Variants in CHP1 observed in about 807,000 individuals in gnomAD.
The protein encoded by CHP1 is calcineurin like EF-hand protein 1.
In CHP1, 11 loss-of-function variants were observed where a neutral mutation model predicts 27.4. The observed-to-expected ratio is 0.40, with a 90% CI of 0.25 to 0.67. The LOEUF (loss-of-function observed/expected upper bound fraction) is 0.67, where lower values mean the gene tolerates loss of function less well. Among genes scored for constraint, CHP1 ranks in the 30% least tolerant of loss-of-function variants. The pLI, the probability that CHP1 is intolerant of heterozygous loss-of-function variation, is 0.38. For synonymous variants in CHP1, 89 were observed against 87.4 expected (o/e 1.02, Z -0.10); for missense variants, 169 against 251.3 (o/e 0.67, Z 2.22).
intron 5 of CHP1, among the ~76,000 whole-genome samples, chr15:41,272,531 G>A (rs757570444): frequency 3.3e-5 from 5 of 151,822 alleles, no homozygotes; most frequent in Non-Finnish European, 7.4e-5. Context: ...AGCGATTCTC[G>A]TGCCTCAGCC....
chr15:41,255,285 A>G (rs2047393285), intron 2 of CHP1, among the ~76,000 whole-genome samples: 1 of 152,170 alleles, frequency 6.6e-6, no homozygotes, highest in South Asian at 2.1e-4. Flanking sequence ...CATGACATTG[A>G]TATTTTTGAA....
intron 3 of CHP1, among the ~76,000 whole-genome samples, chr15:41,260,110 A>G (rs1400028062): frequency 1.3e-5 from 2 of 151,820 alleles, no homozygotes; most frequent in African/African-American, 4.8e-5. Flanking sequence ...CTGCATGTCT[A>G]TAGAGCACAG....
chr15:41,274,790 G>GTTTTTTTTTTTTTTTTTTTTTTTTTTTT (rs34053067), intron 5 of CHP1, among the ~76,000 whole-genome samples: 1 of 120,754 alleles, frequency 8.3e-6, no homozygotes. Context: ...CATTGTCTTT[G>GTTTTTTTTTTTTTTTTTTTTTTTTTTTT]TTTTTTTTTT....
intron 4 of CHP1, among the ~76,000 whole-genome samples, chr15:41,269,800 C>T (rs1312232979): frequency 1.3e-5 from 2 of 152,134 alleles, no homozygotes; most frequent in African/African-American, 4.8e-5. Flanking sequence ...AAAAACCAAG[C>T]TAAATTCAGT....
intron 5 of CHP1, among the ~76,000 whole-genome samples, chr15:41,274,012 G>A (rs2047505988): frequency 6.6e-6 from 1 of 151,792 alleles, no homozygotes; most frequent in Admixed American, 6.6e-5. Flanking sequence ...TCGGGCTGGA[G>A]TGCAATGGCG....
chr15:41,266,913 T>C (rs946494395), intron 4 of CHP1, among the ~76,000 whole-genome samples: 1 of 152,032 alleles, frequency 6.6e-6, no homozygotes, highest in Admixed American at 6.6e-5. Context: ...GGCAGGAGAA[T>C]TGCTTGAACC....
intron 2 of CHP1, among the ~76,000 whole-genome samples, chr15:41,247,851 C>T (rs1214463400): frequency 6.6e-6 from 1 of 151,188 alleles, no homozygotes; most frequent in Non-Finnish European, 1.5e-5. Flanking sequence ...TACCTGTAGT[C>T]CCAGCTACTC....
At chr15:41,250,090 TAAAAAAA>T (rs77882380) in intron 2 of CHP1, among the ~76,000 whole-genome samples, 2 of 127,260 alleles carry the variant, frequency 1.6e-5, no homozygotes, top group Non-Finnish European at 3.4e-5. Flanking sequence ...GGTGTTATGT[TAAAAAAA>T]AAAAAAAAAA....
Position 41,231,351 on chromosome 15 carries a change from C to A in CHP1, c.-32C>A. Reference sequence around the variant, plus strand: ...CCTCCTGTCGCCGTCTCTTCTGGCGCCGCTGCTCCCGGAGGAGCTCCCGGC... The same window carrying A: ...CCTCCTGTCGCCGTCTCTTCTGGCGACGCTGCTCCCGGAGGAGCTCCCGGC... On this transcript the variant is annotated 5_prime_UTR_variant, in exon 1 of 7. Transcript: ENST00000334660. The A allele has an allele frequency of 1.3e-6, 2 of 1,576,978 alleles. No homozygotes were observed. The highest frequency in any genetic ancestry group is 2.3e-5 in the East Asian group (1 of 43,526).
At chr15:41,279,309 G>GT in intron 6 of CHP1, 27 bp from the exon 7 acceptor site, 2 of 1,587,094 alleles carry the variant, frequency 1.3e-6, no homozygotes, top group African/African-American at 1.3e-5. Flanking sequence ...CATAACCTTT[G>GT]TAACTGTTAC....
chr15:41,233,938 T>TTTTTTC (rs1373412021), intron 1 of CHP1, among the ~76,000 whole-genome samples: 3 of 152,090 alleles, frequency 2.0e-5, no homozygotes, highest in East Asian at 1.9e-4. Context: ...ATCAGAGTTG[T>TTTTTTC]TTTTTCTTTT....
At chr15:41,244,750 C>T (rs935553179) in intron 2 of CHP1, among the ~76,000 whole-genome samples, 12 of 152,120 alleles carry the variant, frequency 7.9e-5, no homozygotes, top group Non-Finnish European at 1.6e-4. Context: ...TGATGTAATG[C>T]TATATTGTTT....
intron 3 of CHP1, among the ~76,000 whole-genome samples, chr15:41,257,727 T>C (rs1471623381): frequency 6.6e-6 from 1 of 151,554 alleles, no homozygotes; most frequent in African/African-American, 2.4e-5. Context: ...ACCTGGCTAA[T>C]TTTTGTATTT....
At chr15:41,272,079 C>T (rs1298972393) in intron 5 of CHP1, 2 of 152,082 alleles carry the variant, frequency 1.3e-5, no homozygotes, top group African/African-American at 4.8e-5. Context: ...TTTTGGAGGT[C>T]ATTATCTTGA....
chr15:41,245,042 T>C (rs2047327017), intron 2 of CHP1, among the ~76,000 whole-genome samples: 1 of 152,214 alleles, frequency 6.6e-6, no homozygotes, highest in Admixed American at 6.5e-5. Context: ...TCATTAAGCA[T>C]GGGGTTAAGC....
At position 41,271,221 on chromosome 15, in the gene CHP1, C is replaced by T. The variant is rs1312485561; in HGVS notation, c.411+603C>T. Reference sequence around the variant, plus strand: ...AGTGAGCAGAGCTCACTCCACTGCACTCCAGCCTGGGCGACAGAGCAAGAT... The same window carrying T: ...AGTGAGCAGAGCTCACTCCACTGCATTCCAGCCTGGGCGACAGAGCAAGAT... On this transcript the variant is annotated intron_variant, in intron 5 of 6. Transcript: ENST00000334660. Among the ~76,000 whole-genome samples, 10 of 146,780 alleles carry T rather than the reference C, an allele frequency of 6.8e-5. 1 individual carries two copies. The South Asian group carries it at 1.9e-3, about 29-fold the overall frequency.
Position 41,259,981 on chromosome 15 carries a change from C to G in CHP1, c.222-2775C>G, listed in dbSNP as rs199731836. 1.1e-3 allele frequency among the ~76,000 whole-genome samples: 165 copies of G among 152,282 alleles called. 1 individual carries two copies. Among genetic ancestry groups the G allele is most frequent in the Non-Finnish European group, 1.8e-3 (125 of 68,030 alleles). On this transcript the variant is annotated intron_variant, in intron 3 of 6. Coordinates refer to ENST00000334660, the MANE Select transcript of CHP1 (RefSeq NM_007236.5). ...TTGACCTCAGGTGATCCGCCCGCCCCGGCCTCCCAGAGTGCTGGGATTATG... is the reference window on the plus strand; with the variant it reads ...TTGACCTCAGGTGATCCGCCCGCCCGGGCCTCCCAGAGTGCTGGGATTATG...
chr15:41,278,970 T>C, intron 6 of CHP1, 81 bp downstream of exon 6: 1 of 1,567,604 alleles, frequency 6.4e-7, no homozygotes, highest in South Asian at 1.1e-5. Context: ...CCCAGCACTT[T>C]AGGAGGCCAA....
chr15:41,240,022 C>T (rs142602675), intron 1 of CHP1, among the ~76,000 whole-genome samples: 4,554 of 151,822 alleles, frequency 0.03, 251 homozygotes, highest in African/African-American at 0.1. Context: ...GTGATCCGCC[C>T]GCCTCGGCCT....
Sources: gnomAD v4.1 joint callset for allele counts (sites outside exome capture counted in the v4.1 genomes callset) on GRCh38, gnomAD v4.1.1 for gene constraint, MANE v1.5 for transcripts, NCBI Gene and HGNC (gene_info 2026-07-23, HGNC 2026-07-21) for gene names.